DCLK2: variants seen among roughly 807,000 people sequenced by gnomAD.
DCLK2 encodes the protein doublecortin like kinase 2.
In DCLK2, 31 loss-of-function variants were observed where a neutral mutation model predicts 78.4. The ratio of observed to expected loss-of-function variants is 0.40; its 90% CI spans 0.30 to 0.53. The LOEUF (loss-of-function observed/expected upper bound fraction) is 0.53. Among genes scored for constraint, DCLK2 ranks in the 20% least tolerant of loss-of-function variants. The pLI, the probability that DCLK2 is intolerant of heterozygous loss-of-function variation, is 0.61. For synonymous variants in DCLK2, 407 were observed against 374.9 expected (o/e 1.09, Z -0.99); for missense variants, 872 against 973.7 (o/e 0.90, Z 1.39).
At chr4:150,154,365 A>G (rs1445572949) in intron 2 of DCLK2, among the ~76,000 whole-genome samples, 2 of 152,170 alleles carry the variant, frequency 1.3e-5, no homozygotes, top group African/African-American at 4.8e-5. Context: ...GAATCTTGCT[A>G]TGTATTAGGT....
chr4:150,134,821 G>T (rs1027952585), intron 2 of DCLK2, among the ~76,000 whole-genome samples: 3 of 151,908 alleles, frequency 2.0e-5, no homozygotes, highest in African/African-American at 2.4e-5. Flanking sequence ...AATCATGTTT[G>T]TTGTTGTTGT....
chr4:150,093,936 G>A (rs1346446434), intron 1 of DCLK2, among the ~76,000 whole-genome samples: 1 of 152,160 alleles, frequency 6.6e-6, no homozygotes, highest in Non-Finnish European at 1.5e-5. Context: ...ATCTTCAACA[G>A]GGTTGCCAAG....
intron 5 of DCLK2, among the ~76,000 whole-genome samples, chr4:150,210,032 G>A (rs952972443): frequency 6.6e-6 from 1 of 152,124 alleles, no homozygotes; most frequent in African/African-American, 2.4e-5. Flanking sequence ...CCGAGATCCT[G>A]CCACTTCATT....
intron 4 of DCLK2, among the ~76,000 whole-genome samples, chr4:150,202,255 AG>A: frequency 6.6e-6 from 1 of 152,314 alleles, no homozygotes; most frequent in South Asian, 2.1e-4. Context: ...TTGATTGAGA[AG>A]TAATCAGGGC....
intron 2 of DCLK2, among the ~76,000 whole-genome samples, chr4:150,176,470 C>A (rs558589611): frequency 6.6e-6 from 1 of 152,208 alleles, no homozygotes; most frequent in Non-Finnish European, 1.5e-5. Context: ...CACCTGCCTA[C>A]GTTCCCAAGT....
chr4:150,179,982 A>G (rs1174082715), intron 2 of DCLK2, among the ~76,000 whole-genome samples: 1 of 152,176 alleles, frequency 6.6e-6, no homozygotes, highest in Non-Finnish European at 1.5e-5. Context: ...AAGCTTACAT[A>G]CTTGCCATTC....
At chr4:150,115,318 G>A (rs1231456744) in intron 2 of DCLK2, among the ~76,000 whole-genome samples, 1 of 151,348 alleles carries the variant, frequency 6.6e-6, no homozygotes, top group Non-Finnish European at 1.5e-5. Context: ...CCTTTCTCTT[G>A]TATCTCCTTG....
At chr4:150,204,769 G>A (rs531612364) in intron 5 of DCLK2, among the ~76,000 whole-genome samples, 89 of 152,142 alleles carry the variant, frequency 5.8e-4, no homozygotes, top group African/African-American at 2.0e-3. Flanking sequence ...GTACAAACCT[G>A]TAATCCCAGC....
At chr4:150,197,168 AAGAG>A (rs1225954804) in intron 3 of DCLK2, among the ~76,000 whole-genome samples, 12 of 147,446 alleles carry the variant, frequency 8.1e-5, no homozygotes, top group African/African-American at 1.3e-4. Flanking sequence ...AAAAAAAAAA[AAGAG>A]AGAGAGAAAA....
At chr4:150,113,711 A>G (rs1419987119) in intron 2 of DCLK2, among the ~76,000 whole-genome samples, 2 of 118,076 alleles carry the variant, frequency 1.7e-5, no homozygotes, top group African/African-American at 6.6e-5. Flanking sequence ...TTTTTTTTTC[A>G]TTGATCTTTT....
intron 2 of DCLK2, among the ~76,000 whole-genome samples, chr4:150,146,575 T>A (rs1734488170): frequency 6.6e-6 from 1 of 152,196 alleles, no homozygotes; most frequent in South Asian, 2.1e-4. Flanking sequence ...CTGCCTGGGT[T>A]CAAGTCCCAG....
At chr4:150,175,249 G>T (rs1262248677) in intron 2 of DCLK2, among the ~76,000 whole-genome samples, 1 of 103,922 alleles carries the variant, frequency 9.6e-6, no homozygotes, top group Non-Finnish European at 2.0e-5. Flanking sequence ...ATAAAGCTTT[G>T]TTCAGCAAAT....
At chr4:150,248,483 C>A in intron 14 of DCLK2, 98 bp downstream of exon 14, 2 of 975,616 alleles carry the variant, frequency 2.0e-6, no homozygotes, top group Non-Finnish European at 3.3e-6. Flanking sequence ...AGTTATGCAT[C>A]CAAGCTCCAT....
intron 2 of DCLK2, among the ~76,000 whole-genome samples, chr4:150,161,717 T>C (rs6830296): frequency 0.27 from 40,819 of 152,118 alleles, 5,711 homozygotes; most frequent in South Asian, 0.49. Flanking sequence ...AGTATTTTAT[T>C]ACATTGGCAA....
chr4:150,093,639 C>T (rs1265766397), intron 1 of DCLK2, among the ~76,000 whole-genome samples: 1 of 152,214 alleles, frequency 6.6e-6, no homozygotes, highest in African/African-American at 2.4e-5. Context: ...ACCTTGGGCT[C>T]CCAAAGTGCT....
chr4:150,079,333 C>G lies in DCLK2; in HGVS notation c.306C>G (p.Leu102=). Residue 102 remains leucine (L), a synonymous_variant, in exon 1 of 16, where the codon CTC becomes CTG. Transcript: ENST00000296550. ...SSDRFRSFDA[L]LIELTRSLSD... ...ACCGCTTCCGGTCCTTCGATGCGCT[C>G]CTCATAGAGCTCACCCGCTCCCTGT... 6.3e-7 allele frequency: 1 copy of G among 1,588,820 alleles called. No individual in the cohort carries two copies. Among genetic ancestry groups the G allele is most frequent in the Non-Finnish European group, 8.6e-7 (1 of 1,167,698 alleles).
chr4:150,218,392 G>T (rs1047687052), intron 5 of DCLK2, among the ~76,000 whole-genome samples: 23 of 152,202 alleles, frequency 1.5e-4, no homozygotes, highest in African/African-American at 5.3e-4. Flanking sequence ...ACATGAAAAT[G>T]TACATTGAAG....
At chr4:150,251,999 G>A (rs1000524257) in intron 15 of DCLK2, among the ~76,000 whole-genome samples, 1 of 152,080 alleles carries the variant, frequency 6.6e-6, no homozygotes, top group African/African-American at 2.4e-5. Context: ...TTGATGGCTT[G>A]CAGGACTTTG....
chr4:150,244,683 A>G (rs1469808578), intron 12 of DCLK2, among the ~76,000 whole-genome samples: 1 of 152,260 alleles, frequency 6.6e-6, no homozygotes, highest in East Asian at 1.9e-4. Flanking sequence ...GGATTTAATC[A>G]GAACAGCTTT....
Sources: gnomAD v4.1 joint callset for allele counts (sites outside exome capture counted in the v4.1 genomes callset) on GRCh38, gnomAD v4.1.1 for gene constraint, MANE v1.5 for transcripts, NCBI Gene and HGNC (gene_info 2026-07-23, HGNC 2026-07-21) for gene names.